The following PCDH15 variants were observed in gnomAD, a reference collection of about 807,000 sequenced individuals.
The protein encoded by PCDH15 is protocadherin related 15, also known as protocadherin-15.
PCDH15 carries 129 observed loss-of-function variants against 178.5 expected under a neutral mutation model. That is an observed-to-expected ratio of 0.72 (90% CI 0.63 to 0.84). The LOEUF (loss-of-function observed/expected upper bound fraction) is 0.84, where lower values mean the gene tolerates loss of function less well. Among genes scored for constraint, PCDH15 ranks in the 40% least tolerant of loss-of-function variants. PCDH15 has a pLI of 0.00. For synonymous variants in PCDH15, 800 were observed against 732.0 expected, an observed-to-expected ratio of 1.09 and a Z score of -1.50; for missense variants, 2,230 against 2,099.9, an observed-to-expected ratio of 1.06 and a Z score of -1.21.
chr10:55,549,265 A>G (rs1002400804), intron 2 of PCDH15, among the ~76,000 whole-genome samples: 19 of 152,290 alleles, frequency 1.2e-4, no homozygotes, highest in African/African-American at 4.6e-4. Context: ...TATTAACAAT[A>G]AATAGAAGTT....
chr10:55,357,599 T>C (rs1399384033), intron 2 of PCDH15, among the ~76,000 whole-genome samples: 1 of 152,026 alleles, frequency 6.6e-6, no homozygotes, highest in East Asian at 1.9e-4. Context: ...AATTAGACAG[T>C]ATCTATAAAA....
chr10:54,748,536 C>T (rs1945778142), intron 1 of PCDH15, among the ~76,000 whole-genome samples: 1 of 152,080 alleles, frequency 6.6e-6, no homozygotes, highest in Non-Finnish European at 1.5e-5. Context: ...ACGGTATATT[C>T]GATCTTTATT....
intron 2 of PCDH15, among the ~76,000 whole-genome samples, chr10:54,913,387 T>A (rs1216770799): frequency 6.6e-6 from 1 of 152,162 alleles, no homozygotes; most frequent in Non-Finnish European, 1.5e-5. Context: ...AGCTTCCATA[T>A]GTGTGCAGAG....
At chr10:54,844,478 G>A (rs1591736875) in intron 3 of PCDH15, among the ~76,000 whole-genome samples, 1 of 151,712 alleles carries the variant, frequency 6.6e-6, no homozygotes, top group South Asian at 2.1e-4. Flanking sequence ...TGCTTTGATG[G>A]ATTCACATAT....
chr10:54,171,145 C>T (rs2046865033), intron 13 of PCDH15, among the ~76,000 whole-genome samples: 1 of 152,078 alleles, frequency 6.6e-6, no homozygotes, highest in African/African-American at 2.4e-5. Flanking sequence ...CTTCCCACCT[C>T]AATACAGTCT....
chr10:54,543,159 T>C (rs11004369), intron 2 of PCDH15, among the ~76,000 whole-genome samples: 45,490 of 151,926 alleles, frequency 0.3, 7,333 homozygotes, highest in East Asian at 0.38. Flanking sequence ...CCCTTCTGGC[T>C]CCCCCATTGG....
intron 3 of PCDH15, among the ~76,000 whole-genome samples, chr10:54,447,478 A>G (rs566654377): frequency 3.3e-5 from 5 of 151,762 alleles, no homozygotes; most frequent in African/African-American, 1.2e-4. Context: ...AAGTGAGATT[A>G]TGTCATGTTT....
At chr10:54,681,339 T>C (rs1268469416) in intron 1 of PCDH15, among the ~76,000 whole-genome samples, 2 of 152,076 alleles carry the variant, frequency 1.3e-5, no homozygotes, top group Non-Finnish European at 2.9e-5. Flanking sequence ...TTGCCAGTCA[T>C]GAAATGAACA....
intron 2 of PCDH15, among the ~76,000 whole-genome samples, chr10:55,459,110 G>A (rs559799324): frequency 6.6e-6 from 1 of 151,640 alleles, no homozygotes; most frequent in South Asian, 2.1e-4. Flanking sequence ...AGTTCTTATG[G>A]AATGATGATA....
chr10:54,296,019 C>A (rs1475306525), intron 8 of PCDH15, among the ~76,000 whole-genome samples: 1 of 149,778 alleles, frequency 6.7e-6, no homozygotes, highest in Admixed American at 6.6e-5. Context: ...GTGGCGGGCG[C>A]CTGTGGTCCC....
chr10:54,905,428 A>G (rs1197972135), intron 2 of PCDH15, among the ~76,000 whole-genome samples: 1 of 152,122 alleles, frequency 6.6e-6, no homozygotes, highest in Non-Finnish European at 1.5e-5. Context: ...CAGCTAATGG[A>G]GTTTCCAAGC....
chr10:54,765,850 GC>G (rs1223606919), intron 1 of PCDH15, among the ~76,000 whole-genome samples: 1 of 152,090 alleles, frequency 6.6e-6, no homozygotes, highest in Non-Finnish European at 1.5e-5. Flanking sequence ...AGAAAGCTTT[GC>G]CATTGGAAAC....
chr10:55,077,101 C>CT, intron 2 of PCDH15, among the ~76,000 whole-genome samples: 1 of 128,928 alleles, frequency 7.8e-6, no homozygotes, highest in East Asian at 2.1e-4. Flanking sequence ...AGCTACTACT[C>CT]CTTTTTTTTT....
At chr10:54,045,383 C>T (rs2093634832) in intron 18 of PCDH15, among the ~76,000 whole-genome samples, 1 of 152,084 alleles carries the variant, frequency 6.6e-6, no homozygotes, top group Non-Finnish European at 1.5e-5. Flanking sequence ...AAATTATTGG[C>T]TCTTTATGCC....
intron 1 of PCDH15, among the ~76,000 whole-genome samples, chr10:55,226,374 T>C (rs940987644): frequency 6.6e-6 from 1 of 151,984 alleles, no homozygotes; most frequent in East Asian, 1.9e-4. Flanking sequence ...GTTTTTGTTT[T>C]TGTTTTTGTT....
chr10:55,295,701 T>G (rs1453933706), intron 1 of PCDH15, among the ~76,000 whole-genome samples: 1 of 152,176 alleles, frequency 6.6e-6, no homozygotes, highest in Non-Finnish European at 1.5e-5. Context: ...AAGAAAACTT[T>G]ATTTTTCTTT....
intron 2 of PCDH15, among the ~76,000 whole-genome samples, chr10:54,972,620 C>A (rs930875747): frequency 6.6e-6 from 1 of 151,802 alleles, no homozygotes; most frequent in Non-Finnish European, 1.5e-5. Context: ...GAGGCCAAGG[C>A]AGGCATATCA....
At chr10:55,320,515 T>A (rs569700515), upstream of PCDH15, among the ~76,000 whole-genome samples, 4 of 152,312 alleles carry the variant, frequency 2.6e-5, no homozygotes, top group African/African-American at 7.2e-5. Context: ...TGTCACTGCC[T>A]GATAAAGTGC....
chr10:54,876,790 T>C (rs1419307051), intron 3 of PCDH15, among the ~76,000 whole-genome samples: 1 of 152,174 alleles, frequency 6.6e-6, no homozygotes, highest in Admixed American at 6.6e-5. Context: ...TGGAAAATAC[T>C]CTTGGTGAAG....
Sources: gnomAD v4.1 joint callset for allele counts (sites outside exome capture counted in the v4.1 genomes callset) on GRCh38, gnomAD v4.1.1 for gene constraint, MANE v1.5 for transcripts, NCBI Gene and HGNC (gene_info 2026-07-23, HGNC 2026-07-21) for gene names.